The following CYSLTR2 variants were observed in gnomAD, a reference collection of about 807,000 sequenced individuals.
The protein encoded by CYSLTR2 is cysteinyl leukotriene receptor 2.
For synonymous variants in CYSLTR2, 179 were observed against 160.8 expected (o/e 1.11, Z -0.86); for missense variants, 398 against 411.9 (o/e 0.97, Z 0.29).
chr13:48,690,892 T>C (rs1229048383), intron 1 of CYSLTR2, among the ~76,000 whole-genome samples: 1 of 147,032 alleles, frequency 6.8e-6, no homozygotes, highest in Non-Finnish European at 1.5e-5. Context: ...CCTGGGCTTT[T>C]TTTGGTTGGT....
rs148982883 is a variant in CYSLTR2, at chr13:48,671,052, A to T, written c.-266+17035A>T. On this transcript the variant is annotated intron_variant, in intron 1 of 4. Transcript: ENST00000682523. ...TCTCTTTGTAGCAATTGTGAATAGG[A>T]GTTCACTCATGATTTGGCTCTCTGT... 5.5e-4 allele frequency among the ~76,000 whole-genome samples: 83 copies of T among 152,244 alleles called. 1 individual carries two copies. The highest frequency in any genetic ancestry group is 2.0e-3 in the African/African-American group (83 of 41,534).
At chr13:48,685,408 A>C (rs1199856436) in intron 1 of CYSLTR2, among the ~76,000 whole-genome samples, 1 of 152,168 alleles carries the variant, frequency 6.6e-6, no homozygotes, top group African/African-American at 2.4e-5. Flanking sequence ...TTACAATTGA[A>C]CATAAGATTT....
chr13:48,674,906 G>T (rs530588094), intron 1 of CYSLTR2, among the ~76,000 whole-genome samples: 30 of 152,326 alleles, frequency 2.0e-4, no homozygotes, highest in African/African-American at 7.2e-4. Flanking sequence ...GCTGGAGTTT[G>T]CTGGAGGTCT....
At chr13:48,661,719 A>G (rs1332220121) in intron 1 of CYSLTR2, among the ~76,000 whole-genome samples, 1 of 152,128 alleles carries the variant, frequency 6.6e-6, no homozygotes, top group East Asian at 1.9e-4. Context: ...ATTTTAATTT[A>G]TTTGTCAAAT....
chr13:48,706,720 C>T (rs1954497987), intron 4 of CYSLTR2, 97 bp from the exon 5 acceptor site: 2 of 957,410 alleles, frequency 2.1e-6, no homozygotes, highest in Non-Finnish European at 1.6e-6. Flanking sequence ...GTATTGCTCC[C>T]TGTTTCATTA....
chr13:48,667,567 G>A (rs1395824014), intron 1 of CYSLTR2, among the ~76,000 whole-genome samples: 20 of 152,166 alleles, frequency 1.3e-4, no homozygotes, highest in Non-Finnish European at 5.9e-5. Context: ...GCCCCACAGG[G>A]CTGTTTTTCA....
intron 1 of CYSLTR2, among the ~76,000 whole-genome samples, chr13:48,674,062 C>T (rs1453008460): frequency 6.6e-6 from 1 of 152,052 alleles, no homozygotes; most frequent in East Asian, 1.9e-4. Context: ...ACATTTTTTC[C>T]TTCACTTCAG....
intron 1 of CYSLTR2, among the ~76,000 whole-genome samples, chr13:48,672,634 T>TTTTTTTTTTTTTTTC (rs1953470425): frequency 8.1e-6 from 1 of 123,716 alleles, no homozygotes; most frequent in Non-Finnish European, 1.6e-5. Flanking sequence ...TTTTTTTTTT[T>TTTTTTTTTTTTTTTC]TGAGACAGAA....
chr13:48,705,851 G>A (rs182202072), intron 4 of CYSLTR2, among the ~76,000 whole-genome samples: 76 of 151,560 alleles, frequency 5.0e-4, no homozygotes, highest in African/African-American at 1.8e-3. Context: ...GGGAAGGACA[G>A]CCTATTGTAT....
chr13:48,662,761 A>G (rs566789452), intron 1 of CYSLTR2, among the ~76,000 whole-genome samples: 1 of 152,178 alleles, frequency 6.6e-6, no homozygotes, highest in African/African-American at 2.4e-5. Flanking sequence ...CACCTGTCAG[A>G]TTAGTAGCTT....
At chr13:48,685,843 CA>C (rs573867242) in intron 1 of CYSLTR2, among the ~76,000 whole-genome samples, 54 of 152,086 alleles carry the variant, frequency 3.6e-4, no homozygotes, top group Admixed American at 8.5e-4. Flanking sequence ...TGTTAGCATG[CA>C]AAAAAAGTTT....
At chr13:48,672,943 T>C (rs774577219) in intron 1 of CYSLTR2, among the ~76,000 whole-genome samples, 2 of 152,118 alleles carry the variant, frequency 1.3e-5, no homozygotes, top group Non-Finnish European at 2.9e-5. Context: ...TCCTGAGTTC[T>C]AGTAGATTGC....
intron 1 of CYSLTR2, among the ~76,000 whole-genome samples, chr13:48,658,382 C>T (rs1412458076): frequency 6.6e-6 from 1 of 152,124 alleles, no homozygotes; most frequent in African/African-American, 2.4e-5. Flanking sequence ...TCCCGCCCCC[C>T]AAAAAGATAT....
chr13:48,682,126 C>T (rs902401356), intron 1 of CYSLTR2, among the ~76,000 whole-genome samples: 6 of 152,062 alleles, frequency 3.9e-5, no homozygotes, highest in African/African-American at 1.2e-4. Context: ...TGTGTGTTAA[C>T]GCTGGTTCTA....
rs748151373 is a variant in CYSLTR2, at chr13:48,707,069, TCTC to T, written c.255_257del (p.Leu86del). 7 of 1,614,106 alleles carry T rather than the reference TCTC, an allele frequency of 4.3e-6. No homozygotes were observed. Among genetic ancestry groups the T allele is most frequent in the Non-Finnish European group, 5.9e-6 (7 of 1,180,054 alleles). On this transcript the variant is annotated inframe_deletion, in exon 5 of 5. Coordinates refer to ENST00000682523, the MANE Select transcript of CYSLTR2 (RefSeq NM_001308476.3). ...TCATGCTAAATCTGGCCATTTCAGA[TCTC>T]CTGTTCATAAGCACGCTTCCCTTCA...
chr13:48,668,132 T>A (rs985570608), intron 1 of CYSLTR2, among the ~76,000 whole-genome samples: 4 of 152,018 alleles, frequency 2.6e-5, no homozygotes, highest in African/African-American at 9.7e-5. Context: ...AATCTGATTA[T>A]CTGGAGAGGC....
At chr13:48,687,171 C>A (rs745968616) in intron 1 of CYSLTR2, among the ~76,000 whole-genome samples, 1 of 152,058 alleles carries the variant, frequency 6.6e-6, no homozygotes, top group Non-Finnish European at 1.5e-5. Flanking sequence ...GGTTCTCAGG[C>A]CTTCAAACTC....
At chr13:48,655,803 C>T (rs929149473) in intron 1 of CYSLTR2, among the ~76,000 whole-genome samples, 7 of 152,184 alleles carry the variant, frequency 4.6e-5, no homozygotes, top group Admixed American at 4.6e-4. Flanking sequence ...GGATCTTTCC[C>T]AGGTGGAACC....
At position 48,703,254 on chromosome 13, in the gene CYSLTR2, C is replaced by A. The variant is rs138589873; in HGVS notation, c.-1-3563C>A. The stretch of plus-strand genomic sequence containing the variant: ...GTTTTCTATGTAACTATGTCATCTA[C>A]AGATAGGAAGCATTTTATCTCTTCC... On this transcript the variant is annotated intron_variant, in intron 4 of 4. Transcript: ENST00000682523. Among the ~76,000 whole-genome samples the A allele has an allele frequency of 6.8e-3, 1,034 of 152,090 alleles. 10 individuals carry two copies. The highest frequency in any genetic ancestry group is 0.023 in the African/African-American group (963 of 41,542).
Sources: gnomAD v4.1 joint callset for allele counts (sites outside exome capture counted in the v4.1 genomes callset) on GRCh38, gnomAD v4.1.1 for gene constraint, MANE v1.5 for transcripts, NCBI Gene and HGNC (gene_info 2026-07-23, HGNC 2026-07-21) for gene names.